The following MREG variants were observed in gnomAD, a reference collection of about 807,000 sequenced individuals.
MREG encodes the protein dilute suppressor protein homolog.
In MREG, 31 loss-of-function variants were observed where a neutral mutation model predicts 28.5. The ratio of observed to expected loss-of-function variants is 1.09; its 90% CI spans 0.82 to 1.47. The LOEUF is 1.47. Among genes scored for constraint, MREG ranks in the 40% most tolerant of loss-of-function variants. The pLI, the probability that MREG is intolerant of heterozygous loss-of-function variation, is 0.00. For synonymous variants in MREG, 106 were observed against 95.2 expected (o/e 1.11, Z -0.66); for missense variants, 256 against 257.4 (o/e 0.99, Z 0.04).
At chr2:216,025,794 C>A (rs1694587399) in intron 1 of MREG, among the ~76,000 whole-genome samples, 1 of 152,230 alleles carries the variant, frequency 6.6e-6, no homozygotes, top group African/African-American at 2.4e-5. Flanking sequence ...TCTCAGCAGC[C>A]ACTGCTCGGC....
chr2:215,996,594 T>A (rs1376818230), intron 1 of MREG, 129 bp from the exon 2 acceptor site: 4 of 659,682 alleles, frequency 6.1e-6, no homozygotes, highest in Non-Finnish European at 9.7e-6. Context: ...GTCAAAAAGG[T>A]CTGAATTGTC....
chr2:215,985,033 A>C (rs989924690), intron 2 of MREG, among the ~76,000 whole-genome samples: 12 of 152,208 alleles, frequency 7.9e-5, no homozygotes, highest in African/African-American at 2.7e-4. Context: ...CCTGCATCCA[A>C]ACTCAACAGC....
intron 2 of MREG, among the ~76,000 whole-genome samples, chr2:215,964,098 C>A (rs761636258): frequency 6.6e-6 from 1 of 152,098 alleles, no homozygotes; most frequent in Non-Finnish European, 1.5e-5. Context: ...AATTTTGAAG[C>A]CTTTATACAG....
At chr2:216,031,681 A>G (rs1279498115) in intron 1 of MREG, among the ~76,000 whole-genome samples, 1 of 115,488 alleles carries the variant, frequency 8.7e-6, no homozygotes, top group African/African-American at 4.0e-5. Context: ...GAAAGAAAGA[A>G]AGAAAGAAAG....
chr2:215,957,334 C>T, intron 2 of MREG, among the ~76,000 whole-genome samples: 1 of 152,278 alleles, frequency 6.6e-6, no homozygotes, highest in Non-Finnish European at 1.5e-5. Context: ...ACAGGACACA[C>T]CACCTTGGTG....
chr2:215,949,260 TAAAAA>T (rs78715040), intron 2 of MREG, among the ~76,000 whole-genome samples: 3,828 of 129,332 alleles, frequency 0.03, 151 homozygotes, highest in African/African-American at 0.1. Flanking sequence ...GACTTTGTCT[TAAAAA>T]AAAAAAAAAG....
chr2:216,031,105 G>A (rs1369807354), intron 1 of MREG, among the ~76,000 whole-genome samples: 2 of 151,890 alleles, frequency 1.3e-5, no homozygotes, highest in Admixed American at 6.6e-5. Context: ...TGGTAACAAC[G>A]CGTTAGAAAG....
chr2:216,013,284 C>T lies in MREG; in HGVS notation c.44G>A (p.Gly15Glu), dbSNP rs759925431. The T allele has an allele frequency of 2.4e-5, 37 of 1,549,560 alleles. No homozygotes were observed. The highest frequency in any genetic ancestry group is 2.0e-4 in the Admixed American group (10 of 50,958). The change falls in exon 1 of 5, where the codon GGG (glycine) becomes GAG (glutamate). Residue 15 changes from glycine (G) to glutamate (E), a missense_variant. By Grantham distance (98) the Gly-to-Glu change is moderately conservative. Transcript: ENST00000263268. ...GGCGCGCTCCTCCAAGCACTCGCAC[C>T]CGCAGCAGCAGCACACGGTTCTCAG... Reference protein sequence around the residue: ...DWLRTVCCCCGCECLEERALP... With the variant: ...DWLRTVCCCCECECLEERALP...
At chr2:215,948,814 C>A (rs532222995) in intron 2 of MREG, among the ~76,000 whole-genome samples, 1 of 152,102 alleles carries the variant, frequency 6.6e-6, no homozygotes, top group Non-Finnish European at 1.5e-5. Context: ...ACCTACCTAC[C>A]TCATTGGCTT....
intron 2 of MREG, among the ~76,000 whole-genome samples, chr2:215,952,561 T>C (rs1171945423): frequency 6.6e-6 from 1 of 152,178 alleles, no homozygotes; most frequent in African/African-American, 2.4e-5. Flanking sequence ...GTACTTTTTA[T>C]TTCTTATAAA....
In MREG at chr2:215,998,314, A is replaced by AT. The variant is rs1403333407; in HGVS notation, c.96-1850_96-1849insA. Reference sequence around the variant, plus strand: ...GAGCAAAACTCCATCTCACAAAAAAAAAAAAAAATAATAATAATAATAATA... The same window carrying AT: ...GAGCAAAACTCCATCTCACAAAAAAATAAAAAAAATAATAATAATAATAATA... On this transcript the variant is annotated intron_variant, in intron 1 of 4. Coordinates refer to ENST00000263268, the MANE Select transcript of MREG (RefSeq NM_018000.3). Among the ~76,000 whole-genome samples the AT allele has an allele frequency of 8.1e-5, 12 of 147,860 alleles. 1 individual carries two copies. The highest frequency in any genetic ancestry group is 2.1e-4 in the South Asian group (1 of 4,736).
chr2:216,025,876 G>C (rs1168376113), intron 1 of MREG, among the ~76,000 whole-genome samples: 13 of 152,230 alleles, frequency 8.5e-5, no homozygotes, highest in African/African-American at 3.1e-4. Context: ...CAAAATGCCA[G>C]GAATTCTTTT....
intron 2 of MREG, among the ~76,000 whole-genome samples, chr2:215,966,472 C>T (rs1478730778): frequency 2.0e-5 from 3 of 152,124 alleles, no homozygotes; most frequent in African/African-American, 4.8e-5. Context: ...ACACTGTGTC[C>T]CCACAAACAA....
At chr2:216,024,864 C>T (rs552823868) in intron 1 of MREG, among the ~76,000 whole-genome samples, 1 of 126,600 alleles carries the variant, frequency 7.9e-6, no homozygotes, top group African/African-American at 3.1e-5. Context: ...GCCTGGGCGA[C>T]GGAGCAAGAC....
At chr2:216,011,011 G>T (rs2106034113) in intron 1 of MREG, among the ~76,000 whole-genome samples, 1 of 151,086 alleles carries the variant, frequency 6.6e-6, no homozygotes, top group African/African-American at 2.4e-5. Flanking sequence ...CAGGAGAATG[G>T]TGTCAGCCTG....
chr2:216,000,257 C>A (rs542546408), intron 1 of MREG, among the ~76,000 whole-genome samples: 64 of 152,088 alleles, frequency 4.2e-4, no homozygotes, highest in South Asian at 3.3e-3. Flanking sequence ...AGCTGACAGT[C>A]CCCCCAACAT....
In MREG at chr2:215,944,659, A is replaced by C. The variant is rs137926917; in HGVS notation, c.*204T>G. The C allele has an allele frequency of 1.1e-3, 456 of 425,226 alleles. 3 individuals are homozygous for C. The East Asian group carries it at 0.015, about 14-fold the overall frequency. 26.3% of individuals were successfully genotyped at this position (425,226 alleles called of 1,614,324 possible). A position where few individuals can be genotyped will look rare whatever the true frequency, so the allele number is the denominator to read the frequency against. On this transcript the variant is annotated 3_prime_UTR_variant, in exon 5 of 5. Transcript: ENST00000263268. ...CTCTTTAACTTTCTTCCTAAATATG[A>C]GATCACCAAGGCGTTTCAATGCAGC... is the stretch of plus-strand genomic sequence containing the variant.
chr2:216,009,146 C>T (rs1694233095), intron 1 of MREG, among the ~76,000 whole-genome samples: 1 of 152,214 alleles, frequency 6.6e-6, no homozygotes, highest in Admixed American at 6.5e-5. Context: ...CCAATCAATA[C>T]ATAACTTTGT....
At position 215,944,734 on chromosome 2, in the gene MREG, G is replaced by A. The variant is rs1692277119; in HGVS notation, c.*129C>T. 11 of 964,800 alleles carry A rather than the reference G, an allele frequency of 1.1e-5. No individual in the cohort carries two copies. Among genetic ancestry groups the A allele is most frequent in the Non-Finnish European group, 1.6e-5 (11 of 684,866 alleles). The allele number at this position is 964,800 out of a possible 1,614,324, so 59.8% of individuals were successfully genotyped here. On this transcript the variant is annotated 3_prime_UTR_variant, in exon 5 of 5. Coordinates refer to ENST00000263268, the MANE Select transcript of MREG (RefSeq NM_018000.3). The stretch of plus-strand genomic sequence containing the variant: ...CTCAGATTAAAGACTTTACATTTAT[G>A]TAGAATTCAGTATCATTTTTCACTA...
Sources: gnomAD v4.1 joint callset for allele counts (sites outside exome capture counted in the v4.1 genomes callset) on GRCh38, gnomAD v4.1.1 for gene constraint, MANE v1.5 for transcripts, NCBI Gene and HGNC (gene_info 2026-07-23, HGNC 2026-07-21) for gene names.